METTL15: variants seen among roughly 807,000 people sequenced by gnomAD.
METTL15 encodes methyltransferase 15, mitochondrial 12S rRNA N4-cytidine, also known as 12S rRNA N(4)-cytidine methyltransferase METTL15.
METTL15 carries 34 observed loss-of-function variants against 38.3 expected under a neutral mutation model. That is an observed-to-expected ratio of 0.89 (90% CI 0.68 to 1.18). The LOEUF (loss-of-function observed/expected upper bound fraction) is 1.18. Among genes scored for constraint, METTL15 ranks in the 50% most tolerant of loss-of-function variants. The probability of loss-of-function intolerance (pLI) is 0.00; values close to 1 mark genes in which losing one functional copy is unlikely to be tolerated. For missense variants in METTL15, 438 were observed against 498.4 expected (o/e 0.88, Z 1.15); for synonymous variants, 162 against 170.9 (o/e 0.95, Z 0.41).
Position 28,208,384 on chromosome 11 carries a change from G to C in METTL15, c.271-2678G>C, listed in dbSNP as rs190494113. 3.9e-5 allele frequency among the ~76,000 whole-genome samples: 6 copies of C among 152,196 alleles called. No homozygotes were observed. The East Asian group carries it at 9.6e-4, about 24-fold the overall frequency. ...CGTTATGTACCCCATAGTCATTCAGGGGCAGGTTGTTCAGTTTCCATGTAG... is the reference window on the plus strand; with the variant it reads ...CGTTATGTACCCCATAGTCATTCAGCGGCAGGTTGTTCAGTTTCCATGTAG... On this transcript the variant is annotated intron_variant, in intron 3 of 6. Transcript: ENST00000407364.
At chr11:28,499,921 G>A (rs1851568366) in intron 6 of METTL15, among the ~76,000 whole-genome samples, 1 of 151,984 alleles carries the variant, frequency 6.6e-6, no homozygotes, top group Non-Finnish European at 1.5e-5. Context: ...TGATGCATGT[G>A]GTATTCTGGG....
At chr11:28,139,663 A>G (rs1849629721) in intron 3 of METTL15, among the ~76,000 whole-genome samples, 2 of 152,118 alleles carry the variant, frequency 1.3e-5, no homozygotes, top group African/African-American at 4.8e-5. Context: ...TGCTAAGGTA[A>G]ATCTGTGGTG....
intron 4 of METTL15, among the ~76,000 whole-genome samples, chr11:28,243,136 T>C (rs1854370166): frequency 6.6e-6 from 1 of 151,574 alleles, no homozygotes; most frequent in Non-Finnish European, 1.5e-5. Context: ...ACTGGCATTC[T>C]AGAGGGACTT....
In METTL15 at chr11:28,381,939, C is replaced by T. The variant is rs1229468621; in HGVS notation, c.*358+19903C>T. Among the ~76,000 whole-genome samples the T allele has an allele frequency of 2.6e-5, 4 of 151,660 alleles. No homozygotes were observed. In the East Asian group the frequency reaches 7.7e-4, roughly 29 times the overall value. On this transcript the variant is annotated intron_variant and NMD_transcript_variant, in intron 5 of 7. Coordinates refer to the METTL15 transcript ENST00000532947. ...TCCTTTTTTTTTTTGTGTGGATGTACATTTATGTCTGCATTGGAGGATTAG... is the reference window on the plus strand; with the variant it reads ...TCCTTTTTTTTTTTGTGTGGATGTATATTTATGTCTGCATTGGAGGATTAG...
intron 4 of METTL15, among the ~76,000 whole-genome samples, chr11:28,254,031 A>AT: frequency 6.6e-6 from 1 of 152,172 alleles, no homozygotes; most frequent in East Asian, 1.9e-4. Flanking sequence ...TGGTAGCTCT[A>AT]TTTTTAGTTT....
intron 2 of METTL15, among the ~76,000 whole-genome samples, chr11:28,110,604 G>C (rs1001083277): frequency 6.6e-6 from 1 of 152,182 alleles, no homozygotes; most frequent in African/African-American, 2.4e-5. Context: ...TTAGGCAAAA[G>C]GGTGTATTTT....
intron 3 of METTL15, among the ~76,000 whole-genome samples, chr11:28,188,971 T>C (rs1851605374): frequency 6.6e-6 from 1 of 151,380 alleles, no homozygotes; most frequent in African/African-American, 2.4e-5. Flanking sequence ...TTTTAATGTT[T>C]ACATTTGTAA....
intron 5 of METTL15, among the ~76,000 whole-genome samples, chr11:28,392,115 C>T (rs1202189827): frequency 6.6e-6 from 1 of 151,990 alleles, no homozygotes; most frequent in African/African-American, 2.4e-5. Flanking sequence ...AACAAATTTA[C>T]AAGAAAAAAC....
intron 4 of METTL15, 80 bp from the exon 5 acceptor site, chr11:28,290,126 C>A: frequency 1.7e-6 from 2 of 1,156,770 alleles, no homozygotes; most frequent in Non-Finnish European, 2.4e-6. Flanking sequence ...ATAGAATGTG[C>A]TCCCTTCCAT....
chr11:28,236,488 T>C (rs1160583237), intron 4 of METTL15, among the ~76,000 whole-genome samples: 1 of 152,236 alleles, frequency 6.6e-6, no homozygotes, highest in African/African-American at 2.4e-5. Flanking sequence ...TTTCAGATTC[T>C]GTTATTGGTC....
At chr11:28,240,101 A>T (rs533735173) in intron 4 of METTL15, among the ~76,000 whole-genome samples, 2 of 152,298 alleles carry the variant, frequency 1.3e-5, no homozygotes, top group African/African-American at 4.8e-5. Context: ...GATGCCCATG[A>T]TCTATTGCAC....
intron 6 of METTL15, among the ~76,000 whole-genome samples, chr11:28,480,243 T>C (rs1851383987): frequency 6.6e-6 from 1 of 152,214 alleles, no homozygotes; most frequent in Non-Finnish European, 1.5e-5. Flanking sequence ...AACACTGATT[T>C]GTAGCATTTG....
At chr11:28,311,283 A>C (rs1230033916) in intron 6 of METTL15, among the ~76,000 whole-genome samples, 1 of 152,166 alleles carries the variant, frequency 6.6e-6, no homozygotes, top group African/African-American at 2.4e-5. Flanking sequence ...TGTAATTATC[A>C]ATTTTGGAAA....
chr11:28,349,662 A>G (rs1850025591), intron 3 of METTL15, among the ~76,000 whole-genome samples: 1 of 152,200 alleles, frequency 6.6e-6, no homozygotes, highest in Non-Finnish European at 1.5e-5. Context: ...AAAGAATTAA[A>G]TTATTTAATC....
intron 4 of METTL15, among the ~76,000 whole-genome samples, chr11:28,258,515 G>A: frequency 6.6e-6 from 1 of 152,066 alleles, no homozygotes; most frequent in East Asian, 1.9e-4. Flanking sequence ...AGGAGCCAGG[G>A]ACTATAGTCA....
chr11:28,207,895 A>C (rs879050176), intron 3 of METTL15, among the ~76,000 whole-genome samples: 2 of 152,068 alleles, frequency 1.3e-5, no homozygotes, highest in African/African-American at 4.8e-5. Context: ...GTTTATTTGC[A>C]TAGAGGTGTT....
chr11:28,428,735 T>G (rs952116708), intron 6 of METTL15, among the ~76,000 whole-genome samples: 1 of 152,206 alleles, frequency 6.6e-6, no homozygotes, highest in Non-Finnish European at 1.5e-5. Context: ...CACATAATCC[T>G]CGACCTAGTC....
chr11:28,138,490 G>A (rs1198212942), intron 3 of METTL15, among the ~76,000 whole-genome samples: 1 of 152,158 alleles, frequency 6.6e-6, no homozygotes, highest in Non-Finnish European at 1.5e-5. Context: ...CCTCAATCAA[G>A]GTTATGGCTT....
At chr11:28,370,655 A>ACT (rs1850234111) in intron 5 of METTL15, among the ~76,000 whole-genome samples, 1 of 151,946 alleles carries the variant, frequency 6.6e-6, no homozygotes, top group African/African-American at 2.4e-5. Context: ...TGACTGTGTT[A>ACT]ATTTACATAC....
Sources: allele counts gnomAD v4.1 joint callset (sites outside exome capture counted in the v4.1 genomes callset), GRCh38; gene constraint gnomAD v4.1.1; transcripts MANE v1.5; gene names NCBI Gene and HGNC (gene_info 2026-07-23, HGNC 2026-07-21).